Variants in SEMA3E observed in about 807,000 individuals in gnomAD.
SEMA3E encodes semaphorin-3E.
In SEMA3E, 49 loss-of-function variants were observed where a neutral mutation model predicts 93.6. That is an observed-to-expected ratio of 0.52 (90% CI 0.42 to 0.66). The LOEUF is 0.66. SEMA3E is among the 30% of genes least tolerant of loss of function. SEMA3E has a pLI of 0.00. For synonymous variants in SEMA3E, 363 were observed against 330.7 expected (o/e 1.10, Z -1.06); for missense variants, 906 against 964.8 (o/e 0.94, Z 0.81).
intron 3 of SEMA3E, among the ~76,000 whole-genome samples, chr7:83,467,905 T>A (rs2713182): frequency 0.58 from 66,908 of 116,324 alleles, 16,171 homozygotes; most frequent in East Asian, 0.73. Flanking sequence ...TTTAAAAAAA[T>A]AGTTTACAAT....
chr7:83,367,986 C>A lies in SEMA3E; in HGVS notation c.1928G>T (p.Arg643Met), dbSNP rs1794698126. The A allele has an allele frequency of 6.2e-7, 1 of 1,613,892 alleles. No individual in the cohort carries two copies. Among genetic ancestry groups the A allele is most frequent in the African/African-American group, 1.3e-5 (1 of 74,872 alleles). Residue 643 changes from arginine to methionine, a missense_variant, in exon 17 of 17, where the codon AGG becomes ATG. By Grantham distance (91) the Arg-to-Met change is moderately conservative. Coordinates refer to ENST00000643230, the MANE Select transcript of SEMA3E (RefSeq NM_012431.3). ...GGTCCCAGCATCTGATTTGTGTAAC[C>A]TTAGGAAGAGTAAACCAAGGTCCAT... ...VKMDLGLLFLRLHKSDAGTYF... is the reference protein window; with the variant it reads ...VKMDLGLLFLMLHKSDAGTYF...
At chr7:83,635,665 T>C (rs377728532) in intron 1 of SEMA3E, among the ~76,000 whole-genome samples, 2 of 151,964 alleles carry the variant, frequency 1.3e-5, no homozygotes, top group African/African-American at 2.4e-5. Flanking sequence ...CTTATAGATA[T>C]AGTAAAATCT....
At chr7:83,512,158 G>A (rs112398840) in intron 1 of SEMA3E, among the ~76,000 whole-genome samples, 12 of 152,226 alleles carry the variant, frequency 7.9e-5, no homozygotes, top group African/African-American at 2.9e-4. Context: ...TCACTGAAAA[G>A]GTAATCCAGG....
intron 5 of SEMA3E, among the ~76,000 whole-genome samples, chr7:83,418,026 T>C (rs1043996178): frequency 1.3e-5 from 2 of 152,190 alleles, no homozygotes; most frequent in South Asian, 2.1e-4. Flanking sequence ...AGTCACAAAA[T>C]AATTGAAACA....
intron 4 of SEMA3E, 72 bp from the exon 5 acceptor site, chr7:83,418,555 A>G: frequency 9.8e-7 from 1 of 1,021,540 alleles, no homozygotes; most frequent in Non-Finnish European, 1.5e-6. Flanking sequence ...TAGGTAAAAC[A>G]TATGAAACTT....
chr7:83,448,055 T>C (rs1390919366), intron 4 of SEMA3E, among the ~76,000 whole-genome samples: 1 of 152,062 alleles, frequency 6.6e-6, no homozygotes, highest in Non-Finnish European at 1.5e-5. Flanking sequence ...AAAATTAGAG[T>C]TGACTTATAT....
At position 83,466,600 on chromosome 7, in the gene SEMA3E, C is replaced by T. The variant is rs772020439; in HGVS notation, c.338G>A (p.Gly113Asp). 1.2e-6 allele frequency: 2 copies of T among 1,612,994 alleles called. No individual in the cohort carries two copies. Among genetic ancestry groups the T allele is most frequent in the South Asian group, 1.1e-5 (1 of 91,072 alleles). ...AACCCGAACATAATTTGCACATTCA[C>T]CCTAAAGCAGGAAAAAAAGGGAAGG... ...EECIMKGKDA[G>D]ECANYVRVLH... The change falls in exon 4 of 17, where the codon GGT (glycine) becomes GAT (aspartate). Residue 113 changes from glycine to aspartate, a missense_variant and splice_region_variant. By Grantham distance (94) the Gly-to-Asp change is moderately conservative. Transcript: ENST00000643230.
At chr7:83,370,539 T>C (rs1034383086) in intron 16 of SEMA3E, among the ~76,000 whole-genome samples, 3 of 152,102 alleles carry the variant, frequency 2.0e-5, no homozygotes, top group Non-Finnish European at 4.4e-5. Context: ...TGACAAACTC[T>C]CCAAATCTTC....
chr7:83,471,577 C>T (rs543962058), intron 2 of SEMA3E, among the ~76,000 whole-genome samples: 104 of 152,094 alleles, frequency 6.8e-4, no homozygotes, highest in African/African-American at 2.4e-3. Flanking sequence ...GCACTGACCT[C>T]ATGTACAAAA....
intron 1 of SEMA3E, among the ~76,000 whole-genome samples, chr7:83,515,828 G>A (rs921386745): frequency 6.6e-6 from 1 of 152,120 alleles, no homozygotes; most frequent in Admixed American, 6.5e-5. Flanking sequence ...AGGAGTTCGA[G>A]ACCAGCCTGG....
At chr7:83,449,453 AT>A (rs1165500494) in intron 4 of SEMA3E, among the ~76,000 whole-genome samples, 1 of 151,792 alleles carries the variant, frequency 6.6e-6, no homozygotes, top group Admixed American at 6.6e-5. Context: ...TTTTATATTC[AT>A]TTTTTATATT....
In SEMA3E at chr7:83,505,825, C is replaced by T. The variant is rs187822025; in HGVS notation, c.116-15551G>A. Among the ~76,000 whole-genome samples the T allele has an allele frequency of 6.1e-4, 92 of 151,770 alleles. 1 individual carries two copies. The highest frequency in any genetic ancestry group is 5.0e-3 in the Admixed American group (76 of 15,210). Reference sequence around the variant, plus strand: ...GGTCAGGAGATCGAGAACATCCTGGCTAACATGGTGAAACCTCGTCTCTAT... The same window carrying T: ...GGTCAGGAGATCGAGAACATCCTGGTTAACATGGTGAAACCTCGTCTCTAT... On this transcript the variant is annotated intron_variant, in intron 1 of 16. Coordinates refer to ENST00000643230, the MANE Select transcript of SEMA3E (RefSeq NM_012431.3).
chr7:83,371,368 T>G (rs532382259), intron 16 of SEMA3E: 8 of 152,212 alleles, frequency 5.3e-5, no homozygotes, highest in African/African-American at 1.7e-4. Flanking sequence ...TCACATGGTA[T>G]AGCTACAGGC....
chr7:83,519,714 C>G (rs1791005966), intron 1 of SEMA3E, among the ~76,000 whole-genome samples: 1 of 152,132 alleles, frequency 6.6e-6, no homozygotes, highest in Non-Finnish European at 1.5e-5. Flanking sequence ...TTAGCCCCTA[C>G]TAAACCATGA....
At chr7:83,465,481 C>A (rs534980089) in intron 4 of SEMA3E, among the ~76,000 whole-genome samples, 3 of 152,220 alleles carry the variant, frequency 2.0e-5, no homozygotes, top group Non-Finnish European at 4.4e-5. Context: ...TCAAATACTT[C>A]GAATTATATT....
At chr7:83,411,647 A>C (rs2115667815) in intron 5 of SEMA3E, among the ~76,000 whole-genome samples, 1 of 152,200 alleles carries the variant, frequency 6.6e-6, no homozygotes, top group East Asian at 1.9e-4. Context: ...GCATTATTAA[A>C]ATTTTTAATA....
At position 83,599,066 on chromosome 7, in the gene SEMA3E, A is replaced by G. The variant is rs573749944; in HGVS notation, c.115+49362T>C. Reference sequence around the variant, plus strand: ...GTCATACTTCAGAAAATGCATATCAAATATAAAAATTGTAAGAACTCTCAT... The same window carrying G: ...GTCATACTTCAGAAAATGCATATCAGATATAAAAATTGTAAGAACTCTCAT... On this transcript the variant is annotated intron_variant, in intron 1 of 16. Transcript: ENST00000643230. Among the ~76,000 whole-genome samples the G allele has an allele frequency of 2.6e-5, 4 of 152,306 alleles. No individual in the cohort carries two copies. The South Asian group carries it at 8.3e-4, about 32-fold the overall frequency.
chr7:83,382,006 T>A (rs1358911366), intron 16 of SEMA3E, among the ~76,000 whole-genome samples: 1 of 151,978 alleles, frequency 6.6e-6, no homozygotes, highest in Non-Finnish European at 1.5e-5. Context: ...CATGCTCCAC[T>A]CAACTCTGAC....
intron 1 of SEMA3E, among the ~76,000 whole-genome samples, chr7:83,611,889 A>T (rs1793274009): frequency 6.6e-6 from 1 of 152,088 alleles, no homozygotes; most frequent in South Asian, 2.1e-4. Context: ...GCTTTCCATC[A>T]TACAGCTTAT....
Sources: gnomAD v4.1 joint callset for allele counts (sites outside exome capture counted in the v4.1 genomes callset) on GRCh38, gnomAD v4.1.1 for gene constraint, MANE v1.5 for transcripts, NCBI Gene and HGNC (gene_info 2026-07-23, HGNC 2026-07-21) for gene names.